SETX: variants seen among roughly 807,000 people sequenced by gnomAD.
SETX encodes senataxin.
A neutral mutation model predicts 227.2 loss-of-function variants in SETX; 90 were observed. The ratio of observed to expected loss-of-function variants is 0.40; its 90% CI spans 0.33 to 0.47. SETX has a LOEUF of 0.47. Among genes scored for constraint, SETX ranks in the 20% least tolerant of loss-of-function variants. SETX has a pLI of 0.91. For missense variants in SETX, 3,052 were observed against 3,181.5 expected (o/e 0.96, Z 0.98); for synonymous variants, 1,210 against 1,113.2 (o/e 1.09, Z -1.73).
At chr9:132,289,346 C>T (rs773830608) in intron 15 of SETX, among the ~76,000 whole-genome samples, 5 of 152,120 alleles carry the variant, frequency 3.3e-5, no homozygotes, top group Non-Finnish European at 5.9e-5. Context: ...TTACCTAAAC[C>T]GCCATTCCTA....
At chr9:132,352,675 C>T (rs1197032118) in intron 2 of SETX, among the ~76,000 whole-genome samples, 1 of 152,204 alleles carries the variant, frequency 6.6e-6, no homozygotes, top group Non-Finnish European at 1.5e-5. Context: ...CACTGTTCCA[C>T]CTACTCAATA....
chr9:132,280,573 C>T (rs891121011), intron 20 of SETX, among the ~76,000 whole-genome samples: 2 of 152,178 alleles, frequency 1.3e-5, no homozygotes, highest in African/African-American at 4.8e-5. Context: ...AAGAACTGCA[C>T]TATCATTCTG....
chr9:132,316,408 AAT>A (rs928921380), intron 10 of SETX, among the ~76,000 whole-genome samples: 99 of 152,322 alleles, frequency 6.5e-4, no homozygotes, highest in Middle Eastern at 3.4e-3. Context: ...GTTAACTCCA[AAT>A]ATAGAGTCCT....
chr9:132,271,700 A>G lies in SETX; in HGVS notation c.7199+10T>C. On this transcript the variant is annotated intron_variant, in intron 24 of 25. Transcript: ENST00000224140. ...ACAAGTATAAAAGAGCAACAATGAC[A>G]GTAACTCACCCAATTGAACCTTGGA... 1.9e-6 allele frequency: 3 copies of G among 1,597,698 alleles called. No homozygotes were observed. The highest frequency in any genetic ancestry group is 2.6e-6 in the Non-Finnish European group (3 of 1,170,346).
At chr9:132,350,831 T>C (rs1472714758) in intron 2 of SETX, among the ~76,000 whole-genome samples, 8 of 152,188 alleles carry the variant, frequency 5.3e-5, no homozygotes, top group Admixed American at 6.5e-5. Flanking sequence ...TTAATTTCAC[T>C]AAGTTCTACA....
At position 132,269,712 on chromosome 9, in the gene SETX, A is replaced by T; in HGVS notation, c.7200-10T>A. 1 of 1,611,884 alleles carries T rather than the reference A, an allele frequency of 6.2e-7. No individual in the cohort carries two copies. Among genetic ancestry groups the T allele is most frequent in the Non-Finnish European group, 8.5e-7 (1 of 1,178,522 alleles). ...CAAACTTGCCAGGAATCTAGGCAAT[A>T]AAAAAAGAGTTCCTTCTTTGTCTAG... On this transcript the variant is annotated splice_polypyrimidine_tract_variant and intron_variant, in intron 24 of 25. Transcript: ENST00000224140.
chr9:132,340,916 T>C (rs1221086725), intron 5 of SETX, among the ~76,000 whole-genome samples: 2 of 152,230 alleles, frequency 1.3e-5, no homozygotes, highest in African/African-American at 4.8e-5. Context: ...ATTCTCTGGC[T>C]GTGGGAGAAT....
In SETX at chr9:132,330,111, G is replaced by C. The variant is rs1320071128; in HGVS notation, c.1487C>G (p.Pro496Arg). The C allele has an allele frequency of 3.7e-6, 6 of 1,613,942 alleles. No individual in the cohort carries two copies. Among genetic ancestry groups the C allele is most frequent in the Admixed American group, 1.7e-5 (1 of 60,028 alleles). The change falls in exon 10 of 26, where the codon CCT becomes CGT. Residue 496 changes from proline to arginine, a missense_variant. Physicochemically the swap from Pro to Arg is moderately radical, Grantham distance 103. This residue lies in a region of SETX where 179 missense variants were observed against 197.1 expected (regional missense o/e 0.91). Coordinates refer to ENST00000224140, the MANE Select transcript of SETX (RefSeq NM_015046.7). Reference protein sequence around the residue: ...VEAVVKCAKLPTTAFTRSSEK... With the variant: ...VEAVVKCAKLRTTAFTRSSEK... ...AGAACTCCGTGTAAACGCAGTGGTAGGAAGCTTGGCACATTTGACGACGGC... is the reference window on the plus strand; with the variant it reads ...AGAACTCCGTGTAAACGCAGTGGTACGAAGCTTGGCACATTTGACGACGGC...
At chr9:132,281,992 G>A (rs1009928203) in intron 19 of SETX, among the ~76,000 whole-genome samples, 3 of 145,432 alleles carry the variant, frequency 2.1e-5, no homozygotes, top group South Asian at 2.2e-4. Flanking sequence ...ACTGCACTCC[G>A]GTCTGGGTGA....
At chr9:132,288,452 G>C in intron 16 of SETX, 98 bp downstream of exon 16, 1 of 1,400,664 alleles carries the variant, frequency 7.1e-7, no homozygotes, top group South Asian at 1.2e-5. Flanking sequence ...CCCAAAGCCA[G>C]ACTAATTCTG....
chr9:132,278,221 C>T lies in SETX; in HGVS notation c.6691G>A (p.Ala2231Thr). Residue 2231 changes from alanine (A) to threonine (T), a missense_variant, in exon 21 of 26, where the codon GCT becomes ACT. Ala to Thr is a moderately conservative substitution (Grantham distance 58). Transcript: ENST00000224140. ...QEYGYDQSMM[A>T]RFCRLLEENV... ...TCTTCCAGCAGTCTGCAGAAGCGAG[C>T]CATCATTGACTGGTCGTAGCCATAC... 1.2e-6 allele frequency: 2 copies of T among 1,614,116 alleles called. No homozygotes were observed. The highest frequency in any genetic ancestry group is 2.2e-5 in the South Asian group (2 of 91,086).
chr9:132,298,355 A>AGT, intron 12 of SETX, 43 bp from the exon 13 acceptor site: 5 of 1,462,884 alleles, frequency 3.4e-6, no homozygotes, highest in Non-Finnish European at 4.8e-6. Flanking sequence ...TTATCACTGA[A>AGT]TAATGCTGCC....
intron 10 of SETX, among the ~76,000 whole-genome samples, chr9:132,320,378 A>G (rs1156919186): frequency 6.6e-6 from 1 of 152,154 alleles, no homozygotes; most frequent in East Asian, 1.9e-4. Context: ...GATTGAGACC[A>G]TCCTGGCTAA....
At chr9:132,301,728 G>A (rs528380393) in intron 11 of SETX, among the ~76,000 whole-genome samples, 5 of 152,232 alleles carry the variant, frequency 3.3e-5, no homozygotes, top group South Asian at 2.1e-4. Flanking sequence ...TGATGAAATC[G>A]CCTGACACAT....
chr9:132,281,959 T>C (rs1435219148), intron 19 of SETX, among the ~76,000 whole-genome samples: 1 of 148,154 alleles, frequency 6.7e-6, no homozygotes, highest in Non-Finnish European at 1.5e-5. Flanking sequence ...GAGGCAGAGG[T>C]TGCAGTGAGC....
chr9:132,332,141 C>T (rs1179749099), intron 7 of SETX, among the ~76,000 whole-genome samples: 1 of 152,128 alleles, frequency 6.6e-6, no homozygotes, highest in Non-Finnish European at 1.5e-5. Flanking sequence ...TAATGTCTTC[C>T]AAGAAAATTC....
At chr9:132,304,685 C>T (rs1167995591) in intron 11 of SETX, among the ~76,000 whole-genome samples, 1 of 150,962 alleles carries the variant, frequency 6.6e-6, no homozygotes, top group African/African-American at 2.4e-5. Context: ...TCCCCAAAAC[C>T]ACAACCGGGA....
chr9:132,265,255 C>T (rs1589598792), intron 25 of SETX, among the ~76,000 whole-genome samples: 1 of 122,114 alleles, frequency 8.2e-6, no homozygotes, highest in Non-Finnish European at 1.6e-5. Flanking sequence ...GAGACAGAGA[C>T]TCACTCTGTT....
In SETX at chr9:132,328,717, CTCTG is replaced by C. The variant is rs1847019613; in HGVS notation, c.2877_2880del (p.Asp959GlufsTer9). On this transcript the variant is annotated frameshift_variant, in exon 10 of 26. Transcript: ENST00000224140. LOFTEE classifies it high-confidence loss of function. ...GCTAGTAAAGATAATTTGTGAAGGT[CTCTG>C]TCTATCTGAGAATCCGTTAAGGTGT... is the stretch of plus-strand genomic sequence containing the variant. 6.2e-7 allele frequency: 1 copy of C among 1,613,654 alleles called. No individual in the cohort carries two copies. The highest frequency in any genetic ancestry group is 8.5e-7 in the Non-Finnish European group (1 of 1,179,820).
Sources: allele counts gnomAD v4.1 joint callset (sites outside exome capture counted in the v4.1 genomes callset), GRCh38; gene constraint gnomAD v4.1.1; regional missense constraint gnomAD v4.1.1; transcripts MANE v1.5; gene names NCBI Gene and HGNC (gene_info 2026-07-23, HGNC 2026-07-21).